Variants in CLTRN observed in about 807,000 individuals in gnomAD.
CLTRN encodes the protein collectrin, amino acid transport regulator, also known as collectrin.
In CLTRN, 12 loss-of-function variants were observed where a neutral mutation model predicts 14.5. The ratio of observed to expected loss-of-function variants is 0.83; its 90% CI spans 0.53 to 1.34. CLTRN has a LOEUF of 1.34. Ranked by LOEUF, CLTRN falls within the 40% of genes most tolerant of loss-of-function variation. The pLI is 0.00. For synonymous variants in CLTRN, 58 were observed against 56.5 expected (o/e 1.03, Z -0.12); for missense variants, 154 against 165.1 (o/e 0.93, Z 0.37).
chrX:15,657,797 T>A (rs1303909686), intron 3 of CLTRN, among the ~76,000 whole-genome samples: 1 of 112,235 alleles, frequency 8.9e-6, no homozygotes, highest in Admixed American at 9.4e-5. Context: ...GGCAAAGTTT[T>A]GTTTTATTAT....
chrX:15,646,838 CCCCG>C lies in CLTRN; in HGVS notation c.204-1813_204-1810del, dbSNP rs1395680654. The C allele has an allele frequency of 1.7e-4, 53 of 317,857 alleles. No individual in the cohort carries two copies. In the Admixed American group the frequency reaches 1.7e-3, roughly 10 times the overall value. 26.2% of individuals were successfully genotyped at this position (317,857 alleles called of 1,213,427 possible). ...CGCAGCCTGGTAACCATGAAAATCG[CCCCG>C]CCCGAGCGCAGAGGGAGCCCGATGC... On this transcript the variant is annotated intron_variant, in intron 3 of 5. Transcript: ENST00000380342.
chrX:15,630,786 T>G (rs1425454135), intron 5 of CLTRN, among the ~76,000 whole-genome samples: 1 of 111,887 alleles, frequency 8.9e-6, no homozygotes, highest in Non-Finnish European at 1.9e-5. Context: ...GCATCAGCAA[T>G]CAGCAATCAG....
At chrX:15,628,524 C>G (rs1254753587) in intron 5 of CLTRN, among the ~76,000 whole-genome samples, 1 of 112,172 alleles carries the variant, frequency 8.9e-6, no homozygotes, top group African/African-American at 3.2e-5. Flanking sequence ...AAATCCATCT[C>G]TAGGAGAACT....
At chrX:15,636,523 A>G (rs918631873) in intron 5 of CLTRN, among the ~76,000 whole-genome samples, 1 of 112,114 alleles carries the variant, frequency 8.9e-6, no homozygotes, top group African/African-American at 3.2e-5. Flanking sequence ...CATATATCAA[A>G]ACATCACCTT....
chrX:15,659,062 T>C lies in CLTRN; in HGVS notation c.157A>G (p.Met53Val), dbSNP rs764459090. ...DTNEEYLFKA[M>V]VAFSMRKVPN... ...ACTTTTCTCATGGAGAAAGCTACCA[T>C]CGCTTTGAAGAGGTATTCTTCATTG... The change falls in exon 3 of 6, where the codon ATG (methionine) becomes GTG (valine). Residue 53 changes from methionine to valine, a missense_variant. By Grantham distance (21) the Met-to-Val change is conservative. Transcript: ENST00000380342. 8.5e-6 allele frequency: 10 copies of C among 1,180,991 alleles called. No individual in the cohort carries two copies. In the African/African-American group the frequency reaches 1.2e-4, roughly 15 times the overall value.
chrX:15,646,749 G>A (rs1293712485), intron 3 of CLTRN: 4 of 337,978 alleles, frequency 1.2e-5, no homozygotes, highest in African/African-American at 2.7e-5. Flanking sequence ...TGATTTCTCT[G>A]AGGCTCGCCT....
intron 3 of CLTRN, among the ~76,000 whole-genome samples, chrX:15,649,676 C>G (rs957863791): frequency 9.0e-6 from 1 of 110,639 alleles, no homozygotes; most frequent in Non-Finnish European, 1.9e-5. Flanking sequence ...TCTTCCCCAC[C>G]CTTTAAATGC....
upstream of CLTRN, among the ~76,000 whole-genome samples, chrX:15,667,599 T>C (rs1218435115): frequency 8.8e-6 from 1 of 113,130 alleles, no homozygotes; most frequent in Non-Finnish European, 1.9e-5. Context: ...CATATCTTTC[T>C]GCCTTGTGCT....
At chrX:15,657,274 G>T (rs1394790164) in intron 3 of CLTRN, among the ~76,000 whole-genome samples, 5 of 112,354 alleles carry the variant, frequency 4.5e-5, no homozygotes, top group Non-Finnish European at 3.8e-5. Context: ...TTTTGGGATT[G>T]GAGGCGTGAG....
At chrX:15,664,443 G>A in intron 1 of CLTRN, 48 bp from the exon 2 acceptor site, 7 of 1,051,833 alleles carry the variant, frequency 6.7e-6, no homozygotes, top group Non-Finnish European at 9.1e-6. Flanking sequence ...ATTAGGATCT[G>A]CCAAAACAGA....
intron 5 of CLTRN, among the ~76,000 whole-genome samples, chrX:15,629,229 T>A (rs1214620510): frequency 9.0e-6 from 1 of 110,935 alleles, no homozygotes; most frequent in Non-Finnish European, 1.9e-5. Flanking sequence ...GGCTGAGATG[T>A]TGGGCACTGC....
chrX:15,666,512 G>A (rs1459841392), upstream of CLTRN, among the ~76,000 whole-genome samples: 2 of 112,303 alleles, frequency 1.8e-5, no homozygotes, highest in African/African-American at 6.5e-5. Context: ...AAGCAACAAC[G>A]AGGAAAATAT....
chrX:15,652,973 C>T (rs770078304), intron 3 of CLTRN, among the ~76,000 whole-genome samples: 24 of 110,556 alleles, frequency 2.2e-4, no homozygotes, highest in Admixed American at 4.8e-4. Context: ...CCTTGCTACT[C>T]GGGAAACTGA....
rs1176649917 is a variant in CLTRN, at chrX:15,637,602, C to A, written c.512+1960G>T. Among the ~76,000 whole-genome samples, 7 of 111,776 alleles carry A rather than the reference C, an allele frequency of 6.3e-5. 1 individual carries two copies. The East Asian group carries it at 1.7e-3, about 27-fold the overall frequency. On this transcript the variant is annotated intron_variant, in intron 5 of 5. Coordinates refer to ENST00000380342, the MANE Select transcript of CLTRN (RefSeq NM_020665.6). ...AGGCAACAAATTATGATGCTACACA[C>A]CCAATTATTATATTACTGCAGAATC...
intron 3 of CLTRN, among the ~76,000 whole-genome samples, chrX:15,657,879 G>A (rs767945711): frequency 2.7e-3 from 297 of 111,716 alleles, no homozygotes; most frequent in Non-Finnish European, 4.0e-3. Flanking sequence ...ATACATGTGT[G>A]TATACACAAA....
chrX:15,645,454 C>T (rs889129292), intron 3 of CLTRN, among the ~76,000 whole-genome samples: 3 of 111,417 alleles, frequency 2.7e-5, no homozygotes, highest in Admixed American at 9.5e-5. Flanking sequence ...TCTGCTGCCC[C>T]CTCATGATTC....
At chrX:15,658,103 C>G (rs1197190970) in intron 3 of CLTRN, among the ~76,000 whole-genome samples, 1 of 111,884 alleles carries the variant, frequency 8.9e-6, no homozygotes, top group Non-Finnish European at 1.9e-5. Flanking sequence ...CTTTAATCAG[C>G]AGGCAGAATT....
At chrX:15,656,825 A>G (rs910719483) in intron 3 of CLTRN, among the ~76,000 whole-genome samples, 11 of 110,227 alleles carry the variant, frequency 1.0e-4, no homozygotes, top group Non-Finnish European at 1.3e-4. Context: ...CAGGACTCAT[A>G]CTGCCTGACT....
chrX:15,659,049 G>C lies in CLTRN; in HGVS notation c.170C>G (p.Ser57Cys). Residue 57 changes from serine (S) to cysteine (C), a missense_variant, in exon 3 of 6, where the codon TCC (serine) becomes TGC (cysteine). Coordinates refer to ENST00000380342, the MANE Select transcript of CLTRN (RefSeq NM_020665.6). ...EYLFKAMVAF[S>C]MRKVPNREAT... ...TTCTCTGTTGGGAACTTTTCTCATG[G>C]AGAAAGCTACCATCGCTTTGAAGAG... The C allele has an allele frequency of 1.7e-6, 2 of 1,184,071 alleles. No individual in the cohort carries two copies. The highest frequency in any genetic ancestry group is 1.1e-6 in the Non-Finnish European group (1 of 876,131).
Sources: allele counts gnomAD v4.1 joint callset (sites outside exome capture counted in the v4.1 genomes callset), GRCh38; gene constraint gnomAD v4.1.1; transcripts MANE v1.5; gene names NCBI Gene and HGNC (gene_info 2026-07-23, HGNC 2026-07-21).